Variants in NSD2 observed in about 807,000 individuals in gnomAD.
NSD2 encodes the protein nuclear receptor binding SET domain protein 2.
In NSD2, 12 loss-of-function variants were observed where a neutral mutation model predicts 139.0. The ratio of observed to expected loss-of-function variants is 0.09; its 90% CI spans 0.06 to 0.14. NSD2 has a LOEUF of 0.14. Ranked by LOEUF, NSD2 falls within the 10% of genes least tolerant of loss-of-function variation. The probability of loss-of-function intolerance (pLI) is 1.00; values close to 1 mark genes in which losing one functional copy is unlikely to be tolerated. For missense variants in NSD2, 1,155 were observed against 1,745.0 expected, an observed-to-expected ratio of 0.66 and a Z score of 6.02; for synonymous variants, 669 against 648.7, an observed-to-expected ratio of 1.03 and a Z score of -0.48.
chr4:1,879,410 G>A (rs1577351322), intron 1 of NSD2, among the ~76,000 whole-genome samples: 1 of 152,018 alleles, frequency 6.6e-6, no homozygotes, highest in South Asian at 2.1e-4. Context: ...TAGTAGAGAC[G>A]GGGTTTCACC....
intron 7 of NSD2, among the ~76,000 whole-genome samples, chr4:1,936,088 G>A (rs1454678808): frequency 1.3e-5 from 2 of 152,200 alleles, no homozygotes; most frequent in South Asian, 2.1e-4. Context: ...TGCAGGAAAA[G>A]TGCAGCATAG....
At chr4:1,879,053 G>C (rs914437009) in intron 1 of NSD2, among the ~76,000 whole-genome samples, 2 of 152,038 alleles carry the variant, frequency 1.3e-5, no homozygotes, top group African/African-American at 4.8e-5. Flanking sequence ...AGGAAGCTCT[G>C]ATCTCACCTA....
intron 1 of NSD2, among the ~76,000 whole-genome samples, chr4:1,900,163 G>A (rs965027459): frequency 1.3e-5 from 2 of 152,202 alleles, no homozygotes; most frequent in Non-Finnish European, 2.9e-5. Flanking sequence ...ATTGGGATGA[G>A]CTCTTTTCCT....
At chr4:1,944,804 G>T (rs1160913521) in intron 9 of NSD2, 1 of 1,063,542 alleles carries the variant, frequency 9.4e-7, no homozygotes. Flanking sequence ...TTTCCTCAGT[G>T]TTCATGCAAA....
At chr4:1,940,148 A>G (rs920974426) in intron 9 of NSD2, 2 of 1,133,182 alleles carry the variant, frequency 1.8e-6, no homozygotes, top group Non-Finnish European at 2.2e-6. Flanking sequence ...GCACAGTGTC[A>G]GTTGAGCTGA....
At chr4:1,943,904 G>C (rs1434486699) in intron 9 of NSD2, 1 of 1,063,572 alleles carries the variant, frequency 9.4e-7, no homozygotes, top group Non-Finnish European at 1.1e-6. Flanking sequence ...CAGCCAGCTA[G>C]CCCATAACTG....
At chr4:1,946,262 T>A (rs980840605) in intron 9 of NSD2, 3 of 895,442 alleles carry the variant, frequency 3.4e-6, no homozygotes, top group South Asian at 5.3e-5. Flanking sequence ...TTATTTATTA[T>A]TTATTTATTT....
chr4:1,978,987 C>T lies in NSD2; in HGVS notation c.*78C>T, dbSNP rs1577596518. 1 of 1,431,640 alleles carries T rather than the reference C, an allele frequency of 7.0e-7. No individual in the cohort carries two copies. The highest frequency in any genetic ancestry group is 9.2e-7 in the Non-Finnish European group (1 of 1,091,714). 88.7% of individuals were successfully genotyped at this position (1,431,640 alleles called of 1,614,324 possible). Reference sequence around the variant, plus strand: ...GCCTGCGGGAGAGGGCGAGCATGAACTGGCCCGGAGGACCCAGCTCGAGCC... The same window carrying T: ...GCCTGCGGGAGAGGGCGAGCATGAATTGGCCCGGAGGACCCAGCTCGAGCC... On this transcript the variant is annotated 3_prime_UTR_variant, in exon 22 of 22. Coordinates refer to ENST00000508803, the MANE Select transcript of NSD2 (RefSeq NM_001042424.3).
intron 1 of NSD2, among the ~76,000 whole-genome samples, chr4:1,890,940 C>T (rs1215711108): frequency 2.0e-5 from 3 of 152,064 alleles, no homozygotes; most frequent in Admixed American, 6.6e-5. Flanking sequence ...GTCACCCAGG[C>T]TGGAGTGCAG....
chr4:1,933,484 G>C (rs1260704233), intron 6 of NSD2, among the ~76,000 whole-genome samples: 2 of 152,220 alleles, frequency 1.3e-5, no homozygotes, highest in African/African-American at 4.8e-5. Flanking sequence ...CCGCCTGGCG[G>C]GTTCATGCCA....
At chr4:1,951,335 C>T in intron 10 of NSD2, 132 bp downstream of exon 10, 2 of 1,320,682 alleles carry the variant, frequency 1.5e-6, no homozygotes, top group Non-Finnish European at 2.1e-6. Context: ...TCACTCATCT[C>T]TGTTTTGAAG....
rs1723168429 is a variant in NSD2, at chr4:1,942,174, T to C, written c.1881+2396T>C. On this transcript the variant is annotated intron_variant, in intron 9 of 21. Coordinates refer to ENST00000508803, the MANE Select transcript of NSD2 (RefSeq NM_001042424.3). This position sits in a 1 kb window ranked among gnomAD's most constrained non-coding sequence, Gnocchi z 4.0. The stretch of plus-strand genomic sequence containing the variant: ...AAATAAAAATTTTTATTGGAATAAT[T>C]ATTACATGGTACTACATCACCCTGA... 1 of 1,320,256 alleles carries C rather than the reference T, an allele frequency of 7.6e-7. No individual in the cohort carries two copies. The highest frequency in any genetic ancestry group is 2.2e-5 in the South Asian group (1 of 45,478). 81.8% of individuals were successfully genotyped at this position (1,320,256 alleles called of 1,614,324 possible).
At position 1,942,299 on chromosome 4, in the gene NSD2, T is replaced by C. The variant is rs2108906671; in HGVS notation, c.1881+2521T>C. 6.2e-7 allele frequency: 1 copy of C among 1,609,812 alleles called. No individual in the cohort carries two copies. Among genetic ancestry groups the C allele is most frequent in the East Asian group, 2.2e-5 (1 of 44,852 alleles). Reference sequence around the variant, plus strand: ...GTAACTTCATTTTTTATTCCTTTAGTAGAGCAAATTCTTATTTTTTTCGCC... The same window carrying C: ...GTAACTTCATTTTTTATTCCTTTAGCAGAGCAAATTCTTATTTTTTTCGCC... On this transcript the variant is annotated intron_variant, in intron 9 of 21. Coordinates refer to ENST00000508803, the MANE Select transcript of NSD2 (RefSeq NM_001042424.3). This position sits in a 1 kb window ranked among gnomAD's most constrained non-coding sequence, Gnocchi z 4.0.
At chr4:1,889,184 C>T (rs1200402984) in intron 1 of NSD2, among the ~76,000 whole-genome samples, 3 of 152,140 alleles carry the variant, frequency 2.0e-5, no homozygotes, top group Admixed American at 6.5e-5. Flanking sequence ...AGGCGTGAGC[C>T]ACTGCGCCCA....
intron 11 of NSD2, chr4:1,952,692 A>G (rs1235194023): frequency 5.4e-5 from 57 of 1,059,690 alleles, no homozygotes; most frequent in Non-Finnish European, 5.6e-5. Flanking sequence ...CAGAAAGAAC[A>G]GCTCCAGGCT....
intron 3 of NSD2, among the ~76,000 whole-genome samples, chr4:1,913,364 C>G (rs954896355): frequency 3.3e-5 from 5 of 152,348 alleles, no homozygotes; most frequent in African/African-American, 9.6e-5. Flanking sequence ...AGAGAAGACT[C>G]TGCTCCACCA....
At chr4:1,899,317 G>C (rs993795157) in intron 1 of NSD2, 4 of 152,158 alleles carry the variant, frequency 2.6e-5, no homozygotes, top group African/African-American at 9.7e-5. Flanking sequence ...TGGACATCTC[G>C]GGCCGCATAG....
At position 1,948,228 on chromosome 4, in the gene NSD2, A is replaced by C. The variant is rs186766130; in HGVS notation, c.1882-2844A>C. 3.8e-4 allele frequency: 400 copies of C among 1,064,586 alleles called. 1 individual carries two copies. The highest frequency in any genetic ancestry group is 3.1e-3 in the Admixed American group (57 of 18,688). The allele number at this position is 1,064,586 out of a possible 1,614,324, so 65.9% of individuals were successfully genotyped here. A position where few individuals can be genotyped will look rare whatever the true frequency, so the allele number is the denominator to read the frequency against. On this transcript the variant is annotated intron_variant, in intron 9 of 21. Transcript: ENST00000508803. This position sits in a 1 kb window ranked among gnomAD's most constrained non-coding sequence, Gnocchi z 4.5. ...CATGGCTGTGGTGGACGCGGGAAAC[A>C]ACGGGAAAGTTCTTGACAGAGTCTG...
rs540849110 is a variant in NSD2, at chr4:1,912,403, A to G, written c.761-4468A>G. ...TGTTTACATAATTTTGACTATGTAA[A>G]TATCATTCAGTGAAAAACCAAGTTA... is the stretch of plus-strand genomic sequence containing the variant. On this transcript the variant is annotated intron_variant, in intron 3 of 21. Transcript: ENST00000508803. 2.0e-5 allele frequency among the ~76,000 whole-genome samples: 3 copies of G among 152,302 alleles called. No homozygotes were observed. In the East Asian group the frequency reaches 5.8e-4, roughly 29 times the overall value.
Sources: allele counts gnomAD v4.1 joint callset (sites outside exome capture counted in the v4.1 genomes callset), GRCh38; gene constraint gnomAD v4.1.1; non-coding constraint Gnocchi (gnomAD v3.1); transcripts MANE v1.5; gene names NCBI Gene and HGNC (gene_info 2026-07-23, HGNC 2026-07-21).